The following ITPRID1 variants were observed in gnomAD, a reference collection of about 807,000 sequenced individuals.
The protein encoded by ITPRID1 is protein ITPRID1.
ITPRID1 carries 96 observed loss-of-function variants against 95.4 expected under a neutral mutation model. The observed-to-expected ratio is 1.01, with a 90% CI of 0.85 to 1.19. The LOEUF is 1.19. ITPRID1 is among the 50% of genes most tolerant of loss of function. The pLI is 0.00. For missense variants in ITPRID1, 1,339 were observed against 1,252.9 expected (o/e 1.07, Z -1.04); for synonymous variants, 510 against 453.6 (o/e 1.12, Z -1.58).
chr7:31,579,464 C>T (rs974087395), intron 9 of ITPRID1, among the ~76,000 whole-genome samples: 10 of 152,140 alleles, frequency 6.6e-5, no homozygotes, highest in African/African-American at 2.4e-4. Context: ...AAGGGAACTA[C>T]AGAGAAGTGG....
Position 31,619,913 on chromosome 7 carries a change from G to A in ITPRID1, c.1229-22263G>A, listed in dbSNP as rs572450046. Among the ~76,000 whole-genome samples the A allele has an allele frequency of 4.5e-4, 68 of 152,270 alleles. No individual in the cohort carries two copies. The South Asian group carries it at 0.011, about 24-fold the overall frequency. On this transcript the variant is annotated intron_variant, in intron 10 of 14. Transcript: ENST00000615280. ...CGGGTCACTCCCACCCAAATACTGC[G>A]CTTTTCCGACGGGCTTAAAAAACGG...
At chr7:31,523,155 T>G (rs976411107) in intron 1 of ITPRID1, among the ~76,000 whole-genome samples, 1 of 152,200 alleles carries the variant, frequency 6.6e-6, no homozygotes, top group Non-Finnish European at 1.5e-5. Flanking sequence ...TAACACAAAT[T>G]TATTCTTTAA....
chr7:31,595,070 CTTTTTTTT>C (rs958852739), intron 10 of ITPRID1, among the ~76,000 whole-genome samples: 1 of 127,446 alleles, frequency 7.8e-6, no homozygotes, highest in African/African-American at 2.9e-5. Context: ...TTTATAATTT[CTTTTTTTT>C]TTTTTTTTTT....
chr7:31,650,498 G>A (rs749605711), intron 12 of ITPRID1, among the ~76,000 whole-genome samples: 1 of 152,136 alleles, frequency 6.6e-6, no homozygotes, highest in Non-Finnish European at 1.5e-5. Flanking sequence ...TACATCAGGA[G>A]CAATGGGAAG....
intron 9 of ITPRID1, among the ~76,000 whole-genome samples, chr7:31,580,017 T>A (rs1345133559): frequency 6.6e-6 from 1 of 152,036 alleles, no homozygotes; most frequent in Non-Finnish European, 1.5e-5. Flanking sequence ...ATGTCAAGCC[T>A]GCTGGGTGCA....
chr7:31,571,180 A>G (rs1784975484), intron 6 of ITPRID1, among the ~76,000 whole-genome samples: 1 of 152,040 alleles, frequency 6.6e-6, no homozygotes, highest in African/African-American at 2.4e-5. Flanking sequence ...GGCACCTGCC[A>G]CCACACCTGG....
At chr7:31,545,428 A>G (rs1583479897) in intron 1 of ITPRID1, among the ~76,000 whole-genome samples, 1 of 152,056 alleles carries the variant, frequency 6.6e-6, no homozygotes, top group East Asian at 1.9e-4. Flanking sequence ...GAAATGTTGG[A>G]TAAAGAGGGA....
intron 5 of ITPRID1, among the ~76,000 whole-genome samples, chr7:31,564,648 G>T (rs958506809): frequency 6.6e-6 from 1 of 152,174 alleles, no homozygotes; most frequent in African/African-American, 2.4e-5. Context: ...GGAAAATCCA[G>T]GTAGCAGGAG....
chr7:31,515,947 T>G (rs1479448832), intron 1 of ITPRID1, among the ~76,000 whole-genome samples: 27 of 152,172 alleles, frequency 1.8e-4, no homozygotes, highest in Admixed American at 1.6e-3. Flanking sequence ...AGTACTGTGT[T>G]AGGAGAAGAA....
chr7:31,642,181 AG>A lies in ITPRID1; in HGVS notation c.1237del (p.Val413TrpfsTer50). The A allele has an allele frequency of 6.4e-7, 1 of 1,559,128 alleles. No homozygotes were observed. Among genetic ancestry groups the A allele is most frequent in the East Asian group, 2.4e-5 (1 of 41,590 alleles). ...LDMTSGTVGA[R>X]VDRANSCQSD... ...AGACCTCTTTCATTCTGCAGGTGCC[AG>A]GGTGGACAGAGCAAATAGCTGCCAG... is the stretch of plus-strand genomic sequence containing the variant. On this transcript the variant is annotated frameshift_variant, in exon 11 of 15. Transcript: ENST00000615280. LOFTEE classifies it high-confidence loss of function.
At chr7:31,595,884 CAAAAT>C (rs1466310046) in intron 10 of ITPRID1, among the ~76,000 whole-genome samples, 3 of 151,462 alleles carry the variant, frequency 2.0e-5, no homozygotes, top group Non-Finnish European at 4.4e-5. Context: ...ATTAAAATAT[CAAAAT>C]AAAGAAAAGA....
At chr7:31,546,135 A>C (rs1179120144) in intron 1 of ITPRID1, among the ~76,000 whole-genome samples, 1 of 152,126 alleles carries the variant, frequency 6.6e-6, no homozygotes, top group Non-Finnish European at 1.5e-5. Flanking sequence ...TTATGCAAAA[A>C]GAAATTACAT....
chr7:31,577,147 C>A (rs1785213282), intron 8 of ITPRID1, among the ~76,000 whole-genome samples: 1 of 152,104 alleles, frequency 6.6e-6, no homozygotes, highest in African/African-American at 2.4e-5. Context: ...AGAATATATC[C>A]CCTTCCTAAG....
At chr7:31,644,080 T>C (rs1260003347) in intron 12 of ITPRID1, 127 bp downstream of exon 12, 1 of 805,438 alleles carries the variant, frequency 1.2e-6, no homozygotes, top group African/African-American at 1.7e-5. Flanking sequence ...AAATCATGAA[T>C]AACATTTGTA....
At chr7:31,649,401 C>G (rs1054589086) in intron 12 of ITPRID1, among the ~76,000 whole-genome samples, 5 of 149,588 alleles carry the variant, frequency 3.3e-5, no homozygotes, top group Non-Finnish European at 4.5e-5. Flanking sequence ...AAACAGCCAG[C>G]CTGCAAGATC....
At chr7:31,562,044 T>TAAAAAAAA (rs33912394) in intron 5 of ITPRID1, among the ~76,000 whole-genome samples, 1 of 52,512 alleles carries the variant, frequency 1.9e-5, no homozygotes, top group African/African-American at 6.9e-5. Flanking sequence ...GCTATGTATT[T>TAAAAAAAA]AAAAAAAAAA....
rs117586547 is a variant in ITPRID1, at chr7:31,531,518, C to G, written c.-98+17398C>G. Among the ~76,000 whole-genome samples, 36 of 152,224 alleles carry G rather than the reference C, an allele frequency of 2.4e-4. No homozygotes were observed. The East Asian group carries it at 6.6e-3, about 28-fold the overall frequency. On this transcript the variant is annotated intron_variant, in intron 1 of 14. Transcript: ENST00000615280. ...CCAAGATAGCCACTTTTCAGGAGAT[C>G]GTTCACTGGGGGAGCATTAGGTTTG...
At chr7:31,538,172 C>T (rs1783821399) in intron 1 of ITPRID1, among the ~76,000 whole-genome samples, 1 of 152,126 alleles carries the variant, frequency 6.6e-6, no homozygotes, top group Admixed American at 6.5e-5. Flanking sequence ...ATAAAAAGGA[C>T]TCTCATGTAC....
At chr7:31,545,776 C>A (rs1388818842) in intron 1 of ITPRID1, among the ~76,000 whole-genome samples, 2 of 151,978 alleles carry the variant, frequency 1.3e-5, no homozygotes, top group Non-Finnish European at 2.9e-5. Context: ...ACTGCTTGTT[C>A]CTCCTAGCAG....
Sources: gnomAD v4.1 joint callset for allele counts (sites outside exome capture counted in the v4.1 genomes callset) on GRCh38, gnomAD v4.1.1 for gene constraint, MANE v1.5 for transcripts, NCBI Gene and HGNC (gene_info 2026-07-23, HGNC 2026-07-21) for gene names.